Variants in SMARCA4 observed in about 807,000 individuals in gnomAD.
SMARCA4 encodes SWI/SNF-related matrix-associated actin-dependent regulator of chromatin subfamily A member 4.
A neutral mutation model predicts 193.9 loss-of-function variants in SMARCA4; 31 were observed. The ratio of observed to expected loss-of-function variants is 0.16; its 90% CI spans 0.12 to 0.22. SMARCA4 has a LOEUF of 0.22. Ranked by LOEUF, SMARCA4 falls within the 10% of genes least tolerant of loss-of-function variation. The pLI, the probability that SMARCA4 is intolerant of heterozygous loss-of-function variation, is 1.00. For missense variants in SMARCA4, 1,148 were observed against 2,296.0 expected, an observed-to-expected ratio of 0.50 and a Z score of 10.22; for synonymous variants, 942 against 933.1, an observed-to-expected ratio of 1.01 and a Z score of -0.17.
rs971092095 is a variant in SMARCA4, at chr19:11,031,646, C to A, written c.3546+753C>A. ...ACCGCCGAGTGCACATCGGAAGCTACCCAGCCATCTAATCGGCCACCAGGC... is the reference window on the plus strand; with the variant it reads ...ACCGCCGAGTGCACATCGGAAGCTAACCAGCCATCTAATCGGCCACCAGGC... On this transcript the variant is annotated intron_variant, in intron 25 of 34. Transcript: ENST00000344626. This position sits in a 1 kb window ranked among gnomAD's most constrained non-coding sequence, Gnocchi z 4.3. 3 of 152,276 alleles carry A rather than the reference C, an allele frequency of 2.0e-5. No individual in the cohort carries two copies. The highest frequency in any genetic ancestry group is 2.9e-5 in the Non-Finnish European group (2 of 68,096). The allele number at this position is 152,276 out of a possible 1,614,324, so 9.4% of individuals were successfully genotyped here.
chr19:11,035,422 A>G (rs529199978), intron 29 of SMARCA4, among the ~76,000 whole-genome samples: 47 of 152,372 alleles, frequency 3.1e-4, no homozygotes, highest in Admixed American at 1.6e-3. Context: ...TCCCGAGGTT[A>G]AAAATCATGT....
chr19:11,048,159 T>C (rs953268164), intron 30 of SMARCA4, among the ~76,000 whole-genome samples: 11 of 152,292 alleles, frequency 7.2e-5, no homozygotes, highest in African/African-American at 2.6e-4. Flanking sequence ...AACAGCTCAC[T>C]TTTTTGTCTC....
At chr19:10,973,922 C>T (rs1356413876) in intron 1 of SMARCA4, among the ~76,000 whole-genome samples, 1 of 152,032 alleles carries the variant, frequency 6.6e-6, no homozygotes, top group Non-Finnish European at 1.5e-5. Context: ...GTAGTTCACG[C>T]ATAGTAAACG....
intron 19 of SMARCA4, 75 bp from the exon 20 acceptor site, chr19:11,023,442 TC>T (rs2090016209): frequency 2.4e-5 from 23 of 946,638 alleles, no homozygotes; most frequent in Middle Eastern, 4.2e-4. Flanking sequence ...TGTCCCCACA[TC>T]CGCACCTTCT....
chr19:10,975,403 C>T (rs1344197063), intron 1 of SMARCA4, among the ~76,000 whole-genome samples: 1 of 151,658 alleles, frequency 6.6e-6, no homozygotes, highest in Non-Finnish European at 1.5e-5. Context: ...CCTCCACCTC[C>T]CGGGTTCAAG....
chr19:11,021,408 G>T, intron 18 of SMARCA4: 1 of 450,826 alleles, frequency 2.2e-6, no homozygotes, highest in Non-Finnish European at 4.3e-6. Context: ...GAACGTGCTC[G>T]GCATTTTTCT....
chr19:10,963,581 G>A (rs2083982236), intron 1 of SMARCA4, among the ~76,000 whole-genome samples: 1 of 151,994 alleles, frequency 6.6e-6, no homozygotes, highest in African/African-American at 2.4e-5. Flanking sequence ...CAGACCTCCT[G>A]AATTCACACC....
chr19:11,004,964 C>T (rs1207299639), intron 13 of SMARCA4, among the ~76,000 whole-genome samples: 3 of 152,006 alleles, frequency 2.0e-5, no homozygotes, highest in East Asian at 1.9e-4. Context: ...CTCAGCCTCC[C>T]GGGACTACAG....
intron 32 of SMARCA4, chr19:11,059,368 T>G (rs963457249): frequency 3.6e-5 from 12 of 337,686 alleles, no homozygotes; most frequent in Non-Finnish European, 6.2e-5. Context: ...GTCTTTGGGA[T>G]TGATTCCTCT....
chr19:11,061,566 C>T lies in SMARCA4; in HGVS notation c.4912-218C>T, dbSNP rs904529011. ...AATTTTTTGTATTTTTTAGTAGAGACGGGGTTTCACCGTGTTAGCCAGGAT... is the reference window on the plus strand; with the variant it reads ...AATTTTTTGTATTTTTTAGTAGAGATGGGGTTTCACCGTGTTAGCCAGGAT... On this transcript the variant is annotated intron_variant, in intron 34 of 34. Coordinates refer to ENST00000344626, the MANE Select transcript of SMARCA4 (RefSeq NM_003072.5). Among the ~76,000 whole-genome samples, 15 of 152,218 alleles carry T rather than the reference C, an allele frequency of 9.9e-5. No individual in the cohort carries two copies. The South Asian group carries it at 1.5e-3, about 15-fold the overall frequency.
At chr19:11,015,894 C>G (rs2089310169) in intron 16 of SMARCA4, 1 of 152,126 alleles carries the variant, frequency 6.6e-6, no homozygotes, top group South Asian at 2.1e-4. Flanking sequence ...GCCTGTAATC[C>G]CAGCCACTCA....
At chr19:10,972,613 G>C (rs1312320695) in intron 1 of SMARCA4, among the ~76,000 whole-genome samples, 3 of 152,124 alleles carry the variant, frequency 2.0e-5, no homozygotes, top group South Asian at 2.1e-4. Flanking sequence ...GGTGGGGAAG[G>C]CCTGTCACGA....
intron 13 of SMARCA4, among the ~76,000 whole-genome samples, chr19:11,005,876 C>T (rs1442771802): frequency 1.3e-5 from 2 of 152,226 alleles, no homozygotes; most frequent in African/African-American, 4.8e-5. Flanking sequence ...CTGAAATGCT[C>T]ACTCTGTCAA....
In SMARCA4 at chr19:11,061,986, C is replaced by T; in HGVS notation, c.*170C>T. On this transcript the variant is annotated 3_prime_UTR_variant, in exon 35 of 35. Transcript: ENST00000344626. ...AGAGAAGCTGTAGGACTGTTTGTGACTGGCCCTGTCCTGGCATCAGTAGCA... is the reference window on the plus strand; with the variant it reads ...AGAGAAGCTGTAGGACTGTTTGTGATTGGCCCTGTCCTGGCATCAGTAGCA... 2 of 688,050 alleles carry T rather than the reference C, an allele frequency of 2.9e-6. No individual in the cohort carries two copies. The highest frequency in any genetic ancestry group is 2.1e-5 in the Admixed American group (1 of 48,040). 42.6% of individuals were successfully genotyped at this position (688,050 alleles called of 1,614,324 possible).
At chr19:10,983,377 G>T (rs113645579) in intron 1 of SMARCA4, 1 of 150,556 alleles carries the variant, frequency 6.6e-6, no homozygotes, top group South Asian at 2.1e-4. Context: ...AAAACCAGCA[G>T]TATTTGCCAT....
chr19:11,026,700 T>C (rs1029471482), intron 23 of SMARCA4, among the ~76,000 whole-genome samples: 6 of 152,158 alleles, frequency 3.9e-5, no homozygotes, highest in Non-Finnish European at 8.8e-5. Flanking sequence ...GGTTTCACCA[T>C]GTTGACCAGG....
chr19:11,022,170 G>C (rs763343436), intron 19 of SMARCA4, among the ~76,000 whole-genome samples: 1 of 152,228 alleles, frequency 6.6e-6, no homozygotes, highest in Non-Finnish European at 1.5e-5. Flanking sequence ...AGAGGTCATG[G>C]TGGTGAATCT....
intron 30 of SMARCA4, among the ~76,000 whole-genome samples, chr19:11,051,636 A>G (rs920873732): frequency 3.3e-5 from 5 of 151,782 alleles, no homozygotes; most frequent in Admixed American, 1.3e-4. Context: ...GACTACAGGC[A>G]TGCACCACCA....
In SMARCA4 at chr19:11,060,207, C is replaced by T. The variant is rs1476216089; in HGVS notation, c.4911+20C>T. 6.5e-7 allele frequency: 1 copy of T among 1,550,148 alleles called. No individual in the cohort carries two copies. The highest frequency in any genetic ancestry group is 1.9e-4 in the Middle Eastern group (1 of 5,320). Reference sequence around the variant, plus strand: ...GAGGAGGTGAGGCCGGGCCCCCGAGCAGGCAGAGCTGGCATGTGGCAGGAG... The same window carrying T: ...GAGGAGGTGAGGCCGGGCCCCCGAGTAGGCAGAGCTGGCATGTGGCAGGAG... On this transcript the variant is annotated intron_variant, in intron 34 of 34. Coordinates refer to ENST00000344626, the MANE Select transcript of SMARCA4 (RefSeq NM_003072.5).
Sources: allele counts gnomAD v4.1 joint callset (sites outside exome capture counted in the v4.1 genomes callset), GRCh38; gene constraint gnomAD v4.1.1; non-coding constraint Gnocchi (gnomAD v3.1); transcripts MANE v1.5; gene names NCBI Gene and HGNC (gene_info 2026-07-23, HGNC 2026-07-21).